RAB38: variants seen among roughly 807,000 people sequenced by gnomAD.
RAB38 encodes ras-related protein Rab-38.
A neutral mutation model predicts 18.4 loss-of-function variants in RAB38; 15 were observed. The observed-to-expected ratio is 0.82, with a 90% CI of 0.55 to 1.26. The LOEUF (loss-of-function observed/expected upper bound fraction) is 1.26. RAB38 is among the 50% of genes most tolerant of loss of function. The pLI is 0.00. For missense variants in RAB38, 294 were observed against 267.4 expected, an observed-to-expected ratio of 1.10 and a Z score of -0.69; for synonymous variants, 101 against 104.4, an observed-to-expected ratio of 0.97 and a Z score of 0.20.
intron 2 of RAB38, among the ~76,000 whole-genome samples, chr11:88,138,339 A>G (rs1330930989): frequency 2.0e-5 from 3 of 152,256 alleles, no homozygotes; most frequent in African/African-American, 7.2e-5. Context: ...ACCTAATGAT[A>G]TAAACCACGA....
chr11:88,029,558 A>G, the RAB38 span, among the ~76,000 whole-genome samples: 1 of 152,126 alleles, frequency 6.6e-6, no homozygotes, highest in Admixed American at 6.5e-5. Context: ...ATGGAAAACA[A>G]AAAAAGGCAG....
chr11:88,133,012 G>C (rs1367407158), intron 2 of RAB38, among the ~76,000 whole-genome samples: 1 of 152,054 alleles, frequency 6.6e-6, no homozygotes, highest in Non-Finnish European at 1.5e-5. Context: ...TTAATGTAGT[G>C]AACTACTGCA....
chr11:88,082,141 G>A, the RAB38 span, among the ~76,000 whole-genome samples: 2 of 151,784 alleles, frequency 1.3e-5, no homozygotes, highest in African/African-American at 2.4e-5. Context: ...GCTTTCTGGG[G>A]TGATGAAAAT....
At chr11:88,175,159 C>T in intron 1 of RAB38, 24 bp downstream of exon 1, 1 of 1,565,552 alleles carries the variant, frequency 6.4e-7, no homozygotes. Context: ...CTCTATCCCC[C>T]TGACCCCCTC....
At chr11:87,947,368 G>C in the RAB38 span, among the ~76,000 whole-genome samples, 2 of 136,312 alleles carry the variant, frequency 1.5e-5, no homozygotes, top group Non-Finnish European at 3.1e-5. Context: ...AGTTTCTTTT[G>C]CTGTGCAGAA....
At chr11:87,951,985 G>A in the RAB38 span, among the ~76,000 whole-genome samples, 8 of 152,210 alleles carry the variant, frequency 5.3e-5, 1 homozygote, top group South Asian at 1.7e-3. Context: ...GCTGTAGACA[G>A]GAGCTGTTCC....
chr11:88,068,899 G>A, the RAB38 span, among the ~76,000 whole-genome samples: 710 of 152,318 alleles, frequency 4.7e-3, 3 homozygotes, highest in African/African-American at 0.016. Flanking sequence ...ACATGCTGGC[G>A]GCCCTTGCTT....
intron 1 of RAB38, among the ~76,000 whole-genome samples, chr11:88,170,396 G>A (rs958211888): frequency 2.0e-5 from 3 of 152,160 alleles, no homozygotes. Context: ...TGACATTTAA[G>A]ACCCATCTTC....
chr11:88,139,614 C>T lies in RAB38; in HGVS notation c.483+10061G>A, dbSNP rs544294881. 2.8e-4 allele frequency among the ~76,000 whole-genome samples: 43 copies of T among 152,246 alleles called. No individual in the cohort carries two copies. In the South Asian group the frequency reaches 4.8e-3, roughly 17 times the overall value. ...AATACTTGGAGAATGAATAAATGAA[C>T]GAATAAATGAGTTAACAAATTCCAA... is the stretch of plus-strand genomic sequence containing the variant. On this transcript the variant is annotated intron_variant, in intron 2 of 2. Transcript: ENST00000243662.
intron 2 of RAB38, among the ~76,000 whole-genome samples, chr11:88,128,458 G>A (rs909489646): frequency 5.9e-5 from 9 of 152,202 alleles, no homozygotes; most frequent in African/African-American, 2.2e-4. Flanking sequence ...GTAAGTTACT[G>A]GTTGCAAAAA....
At chr11:87,864,997 G>T in the RAB38 span, among the ~76,000 whole-genome samples, 1 of 151,674 alleles carries the variant, frequency 6.6e-6, no homozygotes, top group African/African-American at 2.4e-5. Context: ...TGTCATCTAC[G>T]CTTTGCGATT....
chr11:88,154,878 C>T (rs923189932), intron 1 of RAB38, among the ~76,000 whole-genome samples: 1 of 152,200 alleles, frequency 6.6e-6, no homozygotes, highest in South Asian at 2.1e-4. Flanking sequence ...CATGCCCAGG[C>T]AAATATCCAG....
chr11:88,081,795 T>C, the RAB38 span, among the ~76,000 whole-genome samples: 3 of 151,882 alleles, frequency 2.0e-5, no homozygotes, highest in Non-Finnish European at 4.4e-5. Context: ...GGACATACCT[T>C]TTGGAACGCC....
chr11:88,115,067 A>AT (rs1942530286), intron 2 of RAB38, among the ~76,000 whole-genome samples: 1 of 152,254 alleles, frequency 6.6e-6, no homozygotes, highest in Non-Finnish European at 1.5e-5. Flanking sequence ...TGTCAGTAGT[A>AT]TAAGTTAAAC....
the RAB38 span, among the ~76,000 whole-genome samples, chr11:87,871,242 A>G: frequency 6.6e-6 from 1 of 151,642 alleles, no homozygotes; most frequent in Admixed American, 6.6e-5. Context: ...CCTAGATTCC[A>G]GAGCAACAGA....
At chr11:87,819,802 A>ATATATATATATGTGTGTG in the RAB38 span, among the ~76,000 whole-genome samples, 1 of 146,416 alleles carries the variant, frequency 6.8e-6, no homozygotes, top group African/African-American at 2.5e-5. Flanking sequence ...GTGTGTGTGT[A>ATATATATATATGTGTGTG]TATATATATA....
chr11:88,024,212 T>C, the RAB38 span, among the ~76,000 whole-genome samples: 8 of 151,820 alleles, frequency 5.3e-5, no homozygotes, highest in African/African-American at 1.7e-4. Flanking sequence ...TTTGATAAAA[T>C]AAATGGGCAA....
chr11:87,927,793 A>T, the RAB38 span, among the ~76,000 whole-genome samples: 1 of 151,988 alleles, frequency 6.6e-6, no homozygotes, highest in Non-Finnish European at 1.5e-5. Flanking sequence ...TTGGCGGAGC[A>T]AGATGGCTCA....
the RAB38 span, among the ~76,000 whole-genome samples, chr11:87,873,224 C>T: frequency 9.9e-5 from 15 of 151,534 alleles, no homozygotes; most frequent in African/African-American, 3.6e-4. Flanking sequence ...TTTTCATATG[C>T]TTACTTGTTA....
Sources: allele counts gnomAD v4.1 joint callset (sites outside exome capture counted in the v4.1 genomes callset), GRCh38; gene constraint gnomAD v4.1.1; transcripts MANE v1.5; gene names NCBI Gene and HGNC (gene_info 2026-07-23, HGNC 2026-07-21).